The following SLAMF1 variants were observed in gnomAD, a reference collection of about 807,000 sequenced individuals.
The protein encoded by SLAMF1 is signaling lymphocytic activation molecule.
A neutral mutation model predicts 35.1 loss-of-function variants in SLAMF1; 18 were observed. The ratio of observed to expected loss-of-function variants is 0.51; its 90% CI spans 0.35 to 0.76. The LOEUF (loss-of-function observed/expected upper bound fraction) is 0.76. Among genes scored for constraint, SLAMF1 ranks in the 30% least tolerant of loss-of-function variants. The pLI is 0.01. For synonymous variants in SLAMF1, 168 were observed against 157.2 expected (o/e 1.07, Z -0.51); for missense variants, 392 against 413.0 (o/e 0.95, Z 0.44).
chr1:160,641,602 A>G (rs1379996296), intron 1 of SLAMF1, among the ~76,000 whole-genome samples: 2 of 152,226 alleles, frequency 1.3e-5, no homozygotes, highest in Non-Finnish European at 2.9e-5. Context: ...AAACTTCATC[A>G]GGAAGAGACC....
chr1:160,616,220 T>C (rs886306267), intron 5 of SLAMF1, among the ~76,000 whole-genome samples: 16 of 152,168 alleles, frequency 1.1e-4, no homozygotes, highest in African/African-American at 3.6e-4. Flanking sequence ...AGAGTAGCTG[T>C]GTGTCATTTT....
chr1:160,630,328 G>A (rs1660100183), intron 3 of SLAMF1, among the ~76,000 whole-genome samples: 1 of 152,154 alleles, frequency 6.6e-6, no homozygotes, highest in African/African-American at 2.4e-5. Flanking sequence ...ATGAATACAT[G>A]ACCTGAACAA....
Position 160,637,537 on chromosome 1 carries a change from AGGGAG to A in SLAMF1, c.77-13_77-9del. 1 of 1,598,544 alleles carries A rather than the reference AGGGAG, an allele frequency of 6.3e-7. No homozygotes were observed. Among genetic ancestry groups the A allele is most frequent in the Non-Finnish European group, 8.5e-7 (1 of 1,173,764 alleles). On this transcript the variant is annotated splice_polypyrimidine_tract_variant and intron_variant, in intron 1 of 6. Coordinates refer to ENST00000302035, the MANE Select transcript of SLAMF1 (RefSeq NM_003037.5). ...AGTTCATCATGCGCCCACCTGTGGG[AGGGAG>A]GAGAAGAGAGTCCCTTATTATTAAG... is the stretch of plus-strand genomic sequence containing the variant.
intron 6 of SLAMF1, among the ~76,000 whole-genome samples, chr1:160,611,082 T>TTCCA (rs1432006983): frequency 1.3e-5 from 2 of 152,224 alleles, no homozygotes; most frequent in African/African-American, 4.8e-5. Flanking sequence ...CCCTCTCCCC[T>TTCCA]TCCATCCCCT....
intron 1 of SLAMF1, 52 bp from the exon 2 acceptor site, chr1:160,637,581 A>C: frequency 1.5e-6 from 2 of 1,307,610 alleles, no homozygotes; most frequent in Non-Finnish European, 2.1e-6. Flanking sequence ...TTTAGACAAC[A>C]TCGTGTCAGC....
intron 5 of SLAMF1, among the ~76,000 whole-genome samples, chr1:160,614,004 T>C (rs950502905): frequency 6.6e-6 from 1 of 152,226 alleles, no homozygotes; most frequent in Non-Finnish European, 1.5e-5. Context: ...AAGGGTTGAT[T>C]CTATTTCGGA....
chr1:160,624,330 C>G, intron 3 of SLAMF1, 145 bp from the exon 4 acceptor site: 1 of 645,334 alleles, frequency 1.5e-6, no homozygotes, highest in Non-Finnish European at 2.7e-6. Flanking sequence ...TTTTAGAGGT[C>G]AGCTTTAGAC....
intron 4 of SLAMF1, chr1:160,623,521 G>A: frequency 2.5e-6 from 1 of 398,722 alleles, no homozygotes; most frequent in Non-Finnish European, 4.4e-6. Flanking sequence ...GGCAGCCGGG[G>A]CATCTCTCCT....
intron 3 of SLAMF1, among the ~76,000 whole-genome samples, chr1:160,624,537 C>G (rs1325679080): frequency 6.6e-6 from 1 of 152,158 alleles, no homozygotes; most frequent in East Asian, 1.9e-4. Flanking sequence ...CTAATGTGTC[C>G]TGTATCCATT....
chr1:160,640,654 G>A (rs1000715737), intron 1 of SLAMF1, among the ~76,000 whole-genome samples: 4 of 151,852 alleles, frequency 2.6e-5, no homozygotes, highest in Admixed American at 6.6e-5. Flanking sequence ...AAAATACCCC[G>A]AAATCCCCAT....
chr1:160,615,463 T>C (rs1659245890), intron 5 of SLAMF1, among the ~76,000 whole-genome samples: 1 of 152,060 alleles, frequency 6.6e-6, no homozygotes, highest in Non-Finnish European at 1.5e-5. Flanking sequence ...GAAAATTTAA[T>C]AATAAAAATA....
At chr1:160,622,305 T>A (rs543880834) in intron 4 of SLAMF1, among the ~76,000 whole-genome samples, 1 of 152,352 alleles carries the variant, frequency 6.6e-6, no homozygotes, top group African/African-American at 2.4e-5. Flanking sequence ...ATTGTAGCCA[T>A]CATTAGCTGT....
intron 3 of SLAMF1, among the ~76,000 whole-genome samples, chr1:160,630,464 G>C (rs1330840185): frequency 6.6e-6 from 1 of 152,180 alleles, no homozygotes; most frequent in Non-Finnish European, 1.5e-5. Flanking sequence ...ATTAACCGCT[G>C]TGAGGTTTTC....
intron 3 of SLAMF1, among the ~76,000 whole-genome samples, chr1:160,632,131 A>G (rs116639355): frequency 0.015 from 2,285 of 152,078 alleles, 57 homozygotes; most frequent in African/African-American, 0.052. Flanking sequence ...ATACATTTTG[A>G]TTGTTTAAGC....
At chr1:160,612,881 G>A (rs1484840567) in intron 5 of SLAMF1, among the ~76,000 whole-genome samples, 1 of 152,184 alleles carries the variant, frequency 6.6e-6, no homozygotes. Context: ...TGAAATTGGT[G>A]TGGCTCTTAC....
intron 4 of SLAMF1, among the ~76,000 whole-genome samples, chr1:160,622,319 G>T (rs1659659665): frequency 1.3e-5 from 2 of 152,296 alleles, no homozygotes; most frequent in East Asian, 3.9e-4. Flanking sequence ...TAGCTGTGTG[G>T]CATTGGACAA....
Position 160,647,036 on chromosome 1 carries a change from A to G in SLAMF1, c.-91T>C, listed in dbSNP as rs1661079026. On this transcript the variant is annotated 5_prime_UTR_variant, in exon 1 of 7. Transcript: ENST00000302035. The stretch of plus-strand genomic sequence containing the variant: ...AAGCAAGCTTCGTGTCATGCAGCAG[A>G]GGCTGTCTGATTTATGTATCAGGAA... 1.4e-6 allele frequency: 1 copy of G among 705,642 alleles called. No individual in the cohort carries two copies. The highest frequency in any genetic ancestry group is 2.6e-6 in the Non-Finnish European group (1 of 385,446). The allele number at this position is 705,642 out of a possible 1,614,324, so 43.7% of individuals were successfully genotyped here.
chr1:160,634,796 C>G lies in SLAMF1; in HGVS notation c.517G>C (p.Ala173Pro). The G allele has an allele frequency of 6.2e-7, 1 of 1,614,098 alleles. No individual in the cohort carries two copies. The highest frequency in any genetic ancestry group is 8.5e-7 in the Non-Finnish European group (1 of 1,180,022). The change falls in exon 3 of 7, where the codon GCT becomes CCT. Residue 173 changes from alanine to proline, a missense_variant. By Grantham distance (27) the Ala-to-Pro change is conservative. Transcript: ENST00000302035. ...GCTVEKGDHVAYSWSEKAGTH... is the reference protein window; with the variant it reads ...GCTVEKGDHVPYSWSEKAGTH... ...CCCGCCTTTTCACTCCAGCTGTAAG[C>G]CACATGGTCCCCCTTCTCCACTGTG...
In SLAMF1 at chr1:160,619,762, A is replaced by G; in HGVS notation, c.864+14T>C. On this transcript the variant is annotated intron_variant, in intron 5 of 6. Transcript: ENST00000302035. ...AACATGACAGGTTCATCTCAAACAA[A>G]ATATAGAACTTACACCTGGTTTCTG... is the stretch of plus-strand genomic sequence containing the variant. 1 of 1,558,572 alleles carries G rather than the reference A, an allele frequency of 6.4e-7. No homozygotes were observed.
Sources: gnomAD v4.1 joint callset for allele counts (sites outside exome capture counted in the v4.1 genomes callset) on GRCh38, gnomAD v4.1.1 for gene constraint, MANE v1.5 for transcripts, NCBI Gene and HGNC (gene_info 2026-07-23, HGNC 2026-07-21) for gene names.